The following ZDHHC17 variants were observed in gnomAD, a reference collection of about 807,000 sequenced individuals.
ZDHHC17 encodes zDHHC palmitoyltransferase 17.
Under a neutral mutation model 90.3 loss-of-function variants are expected in ZDHHC17, and 40 were observed. The observed-to-expected ratio is 0.44, with a 90% confidence interval of 0.34 to 0.58. The LOEUF (loss-of-function observed/expected upper bound fraction) is 0.58, where lower values mean the gene tolerates loss of function less well. ZDHHC17 is among the 20% of genes least tolerant of loss of function. ZDHHC17 has a pLI of 0.01. For missense variants in ZDHHC17, 614 were observed against 780.8 expected (o/e 0.79, Z 2.55); for synonymous variants, 235 against 252.4 (o/e 0.93, Z 0.65).
At position 76,798,621 on chromosome 12, in the gene ZDHHC17, C is replaced by G. The variant is rs545202732; in HGVS notation, c.197+1084C>G. On this transcript the variant is annotated intron_variant, in intron 2 of 16. Coordinates refer to ENST00000426126, the MANE Select transcript of ZDHHC17 (RefSeq NM_015336.4). ...CACTGCTATAAAGAAATACCTGACA[C>G]TGGATAATTTATGAAGAAAAGAGGT... 2.6e-5 allele frequency among the ~76,000 whole-genome samples: 4 copies of G among 152,016 alleles called. No homozygotes were observed. The South Asian group carries it at 8.3e-4, about 32-fold the overall frequency.
At chr12:76,765,789 C>T (rs908880841) in intron 1 of ZDHHC17, among the ~76,000 whole-genome samples, 5 of 152,186 alleles carry the variant, frequency 3.3e-5, no homozygotes, top group African/African-American at 1.2e-4. Flanking sequence ...CAGCCTCTAC[C>T]TCCAGGGCTC....
At chr12:76,784,091 T>A (rs1253694468) in intron 1 of ZDHHC17, among the ~76,000 whole-genome samples, 1 of 152,250 alleles carries the variant, frequency 6.6e-6, no homozygotes, top group African/African-American at 2.4e-5. Flanking sequence ...TGTGGCGATT[T>A]ATTAGAGCAA....
intron 11 of ZDHHC17, 139 bp downstream of exon 11, chr12:76,842,245 A>T (rs1555188884): frequency 1.1e-6 from 1 of 933,166 alleles, no homozygotes; most frequent in Non-Finnish European, 1.5e-6. Flanking sequence ...TGTATCTTTT[A>T]TTTGGTGCTC....
intron 10 of ZDHHC17, among the ~76,000 whole-genome samples, chr12:76,833,789 T>C (rs1027168078): frequency 6.6e-6 from 1 of 152,078 alleles, no homozygotes; most frequent in Non-Finnish European, 1.5e-5. Flanking sequence ...CGAGACTCTG[T>C]CTCAAAAAAA....
chr12:76,823,502 G>A (rs1400018477), intron 8 of ZDHHC17, among the ~76,000 whole-genome samples: 2 of 152,196 alleles, frequency 1.3e-5, no homozygotes, highest in Non-Finnish European at 2.9e-5. Flanking sequence ...GTTAATTGCC[G>A]TAGAGTTTCT....
chr12:76,827,163 T>C, intron 9 of ZDHHC17, 113 bp downstream of exon 9: 2 of 1,196,472 alleles, frequency 1.7e-6, no homozygotes, highest in Non-Finnish European at 2.2e-6. Context: ...TTTATTTAAA[T>C]AATTTAGACA....
chr12:76,844,152 C>A (rs1953466170), intron 12 of ZDHHC17: 2 of 152,140 alleles, frequency 1.3e-5, no homozygotes, highest in African/African-American at 4.8e-5. Context: ...ATATGGCAAA[C>A]AAATTATATA....
intron 2 of ZDHHC17, among the ~76,000 whole-genome samples, chr12:76,799,195 G>C (rs544413146): frequency 4.6e-5 from 7 of 152,138 alleles, no homozygotes; most frequent in Non-Finnish European, 1.0e-4. Context: ...AGAATTAATA[G>C]TCATATTTCC....
intron 8 of ZDHHC17, 91 bp from the exon 9 acceptor site, chr12:76,826,817 G>A (rs766613585): frequency 2.5e-4 from 322 of 1,288,856 alleles, no homozygotes; most frequent in Non-Finnish European, 3.2e-4. Context: ...AATTTCACCC[G>A]CTGTTGCATG....
intron 11 of ZDHHC17, among the ~76,000 whole-genome samples, chr12:76,842,656 A>G (rs987260193): frequency 6.6e-6 from 1 of 152,198 alleles, no homozygotes; most frequent in Admixed American, 6.5e-5. Context: ...ACAAATTTTG[A>G]TAAGTTATTC....
At chr12:76,842,128 C>A (rs1953442819) in intron 11 of ZDHHC17, 22 bp downstream of exon 11, 2 of 1,536,498 alleles carry the variant, frequency 1.3e-6, no homozygotes, top group South Asian at 1.3e-5. Context: ...CCAACTAAGT[C>A]ACTTGTATTT....
At chr12:76,791,332 G>A (rs1447348363) in intron 1 of ZDHHC17, among the ~76,000 whole-genome samples, 1 of 152,086 alleles carries the variant, frequency 6.6e-6, no homozygotes, top group Non-Finnish European at 1.5e-5. Flanking sequence ...AGATCCTTAT[G>A]ATATGCCTAG....
chr12:76,794,469 T>C (rs1405011902), intron 1 of ZDHHC17, among the ~76,000 whole-genome samples: 2 of 152,214 alleles, frequency 1.3e-5, no homozygotes, highest in Admixed American at 6.5e-5. Context: ...TAAAGTTCTT[T>C]ATTACAAAAT....
intron 11 of ZDHHC17, 98 bp downstream of exon 11, chr12:76,842,204 T>C (rs1275847490): frequency 7.9e-7 from 1 of 1,273,004 alleles, no homozygotes; most frequent in African/African-American, 1.5e-5. Flanking sequence ...TCGTTTAGAA[T>C]GTAAAGAAGT....
intron 1 of ZDHHC17, among the ~76,000 whole-genome samples, chr12:76,768,056 G>A (rs780079233): frequency 4.6e-5 from 7 of 152,188 alleles, no homozygotes; most frequent in Non-Finnish European, 1.0e-4. Flanking sequence ...TATTAACTAG[G>A]CTAATGTTTA....
At chr12:76,790,548 T>C (rs551282599) in intron 1 of ZDHHC17, among the ~76,000 whole-genome samples, 1 of 152,186 alleles carries the variant, frequency 6.6e-6, no homozygotes, top group Non-Finnish European at 1.5e-5. Flanking sequence ...AAAGACATTA[T>C]AATACACTGC....
chr12:76,843,420 AG>A (rs950647049), intron 12 of ZDHHC17, among the ~76,000 whole-genome samples: 1 of 151,964 alleles, frequency 6.6e-6, no homozygotes, highest in Non-Finnish European at 1.5e-5. Context: ...CAATTTGAGT[AG>A]GTGGTTTTTT....
chr12:76,799,236 A>G (rs538608654), intron 2 of ZDHHC17, among the ~76,000 whole-genome samples: 7 of 152,178 alleles, frequency 4.6e-5, no homozygotes, highest in Non-Finnish European at 1.0e-4. Flanking sequence ...GGTCTTTTTG[A>G]TCATCTGCAT....
intron 1 of ZDHHC17, 80 bp from the exon 2 acceptor site, chr12:76,797,354 A>G (rs1952832089): frequency 4.4e-6 from 4 of 908,062 alleles, no homozygotes; most frequent in Non-Finnish European, 4.8e-6. Flanking sequence ...AACAACACAA[A>G]AGCACTACTA....
Sources: gnomAD v4.1 joint callset for allele counts (sites outside exome capture counted in the v4.1 genomes callset) on GRCh38, gnomAD v4.1.1 for gene constraint, MANE v1.5 for transcripts, NCBI Gene and HGNC (gene_info 2026-07-23, HGNC 2026-07-21) for gene names.